Variants in ANKRD44 observed in about 807,000 individuals in gnomAD.
The protein encoded by ANKRD44 is ankyrin repeat domain 44, also known as serine/threonine-protein phosphatase 6 regulatory ankyrin repeat subunit B.
ANKRD44 carries 35 observed loss-of-function variants against 116.0 expected under a neutral mutation model. The ratio of observed to expected loss-of-function variants is 0.30; its 90% CI spans 0.23 to 0.40. The LOEUF is 0.40. ANKRD44 is among the 10% of genes least tolerant of loss of function. ANKRD44 has a pLI of 1.00. For synonymous variants in ANKRD44, 435 were observed against 461.8 expected (o/e 0.94, Z 0.74); for missense variants, 1,014 against 1,242.6 (o/e 0.82, Z 2.77).
intron 1 of ANKRD44, among the ~76,000 whole-genome samples, chr2:197,214,218 T>C (rs1031212112): frequency 3.9e-5 from 6 of 152,218 alleles, no homozygotes; most frequent in Non-Finnish European, 8.8e-5. Context: ...CAAAAGCTTC[T>C]TAATTGTCCA....
intron 1 of ANKRD44, among the ~76,000 whole-genome samples, chr2:197,276,155 A>G (rs1352995629): frequency 6.6e-6 from 1 of 151,820 alleles, no homozygotes; most frequent in African/African-American, 2.4e-5. Context: ...CGCACCTGTA[A>G]TCCCAGCTAC....
At chr2:196,977,137 A>G (rs547600064) in intron 21 of ANKRD44, among the ~76,000 whole-genome samples, 2 of 152,364 alleles carry the variant, frequency 1.3e-5, no homozygotes, top group East Asian at 3.9e-4. Context: ...CAAAACTTGT[A>G]TACTGAAAAC....
chr2:197,122,783 T>G lies in ANKRD44; in HGVS notation c.560A>C (p.Asp187Ala), dbSNP rs771897169. 1 of 1,613,402 alleles carries G rather than the reference T, an allele frequency of 6.2e-7. No homozygotes were observed. Among genetic ancestry groups the G allele is most frequent in the African/African-American group, 1.3e-5 (1 of 74,912 alleles). The change falls in exon 7 of 28, where the codon GAT (aspartate) becomes GCT (alanine). Residue 187 changes from aspartate (D) to alanine (A), a missense_variant. Transcript: ENST00000282272. ...LHWAAYMGHLDVVALLINHGA... is the reference protein window; with the variant it reads ...LHWAAYMGHLAVVALLINHGA... ...ATGGTTAATGAGCAATGCTACAACA[T>G]CCAAGTGGCCTTTACAAACAAAGCA...
chr2:197,157,745 C>T (rs2079857842), intron 2 of ANKRD44, among the ~76,000 whole-genome samples: 1 of 150,678 alleles, frequency 6.6e-6, no homozygotes, highest in Non-Finnish European at 1.5e-5. Context: ...ATTTTGTTTC[C>T]TAAATGAAAC....
chr2:196,967,334 G>GT (rs2075680660), exon 22 of ANKRD44: 1 of 447,816 alleles, frequency 2.2e-6, no homozygotes, highest in African/African-American at 2.0e-5. Flanking sequence ...CCTGCAGAGT[G>GT]TAACCCTTTG....
chr2:197,210,686 G>A (rs1196104316), intron 1 of ANKRD44, among the ~76,000 whole-genome samples: 1 of 143,840 alleles, frequency 7.0e-6, no homozygotes, highest in Non-Finnish European at 1.6e-5. Flanking sequence ...ATCTTGTCTT[G>A]GAGAGATTAG....
chr2:197,012,516 C>T (rs538216934), intron 18 of ANKRD44, among the ~76,000 whole-genome samples: 15 of 151,474 alleles, frequency 9.9e-5, no homozygotes, highest in Non-Finnish European at 2.1e-4. Context: ...TTCAACCACA[C>T]CAACTATTAC....
At chr2:197,002,172 C>T (rs2076125528) in intron 21 of ANKRD44, among the ~76,000 whole-genome samples, 1 of 152,174 alleles carries the variant, frequency 6.6e-6, no homozygotes, top group Non-Finnish European at 1.5e-5. Context: ...TCAATTTGTC[C>T]ACATTTATAA....
At chr2:197,221,050 G>A (rs2081573760) in intron 1 of ANKRD44, among the ~76,000 whole-genome samples, 1 of 152,132 alleles carries the variant, frequency 6.6e-6, no homozygotes, top group African/African-American at 2.4e-5. Context: ...AGGAGTTCGA[G>A]GTCAGCCTGG....
chr2:197,141,584 T>C (rs934846423), intron 3 of ANKRD44, among the ~76,000 whole-genome samples: 3 of 152,204 alleles, frequency 2.0e-5, no homozygotes, highest in Non-Finnish European at 2.9e-5. Context: ...CCAGCATTGT[T>C]CGCGTGTAGC....
chr2:196,981,999 C>T (rs1031238378), downstream of ANKRD44, among the ~76,000 whole-genome samples: 4 of 150,530 alleles, frequency 2.7e-5, no homozygotes, highest in African/African-American at 7.3e-5. Context: ...GCTGCTAGAT[C>T]CTCCTCCTCC....
chr2:197,061,382 C>T (rs1401323505), intron 16 of ANKRD44, among the ~76,000 whole-genome samples: 1 of 152,220 alleles, frequency 6.6e-6, no homozygotes, highest in Non-Finnish European at 1.5e-5. Context: ...GGCAGTGACA[C>T]TGGCAGCCCC....
chr2:197,116,533 G>A (rs2078712963), intron 8 of ANKRD44, among the ~76,000 whole-genome samples: 1 of 152,060 alleles, frequency 6.6e-6, no homozygotes, highest in South Asian at 2.1e-4. Context: ...TCTCTTTGAT[G>A]CCCCCATTCT....
chr2:197,211,308 G>A (rs1432422535), intron 1 of ANKRD44, among the ~76,000 whole-genome samples: 1 of 152,180 alleles, frequency 6.6e-6, no homozygotes, highest in Non-Finnish European at 1.5e-5. Context: ...GGGAAATGGG[G>A]AGCAGGAAGA....
At chr2:196,996,902 CA>C (rs55760106) in intron 25 of ANKRD44, among the ~76,000 whole-genome samples, 6,208 of 88,802 alleles carry the variant, frequency 0.07, 339 homozygotes, top group African/African-American at 0.25. Context: ...GACTCTGCCT[CA>C]AAAAAAAAAA....
intron 25 of ANKRD44, among the ~76,000 whole-genome samples, chr2:196,997,276 G>A (rs1437576094): frequency 6.6e-6 from 1 of 151,760 alleles, no homozygotes; most frequent in African/African-American, 2.4e-5. Context: ...GAGATGGGTT[G>A]AATAAAAGAT....
At chr2:197,193,228 C>T (rs924479508) in intron 1 of ANKRD44, among the ~76,000 whole-genome samples, 1 of 152,274 alleles carries the variant, frequency 6.6e-6, no homozygotes, top group Admixed American at 6.5e-5. Context: ...TCCTTTGTTG[C>T]TCCTTCCTTT....
chr2:197,127,995 A>G (rs188056200), intron 4 of ANKRD44, among the ~76,000 whole-genome samples: 1 of 152,308 alleles, frequency 6.6e-6, no homozygotes, highest in East Asian at 1.9e-4. Context: ...AAAGGACATG[A>G]TATTGTTCCT....
chr2:197,057,409 T>C (rs1040953870), intron 16 of ANKRD44, among the ~76,000 whole-genome samples: 11 of 152,218 alleles, frequency 7.2e-5, no homozygotes, highest in African/African-American at 2.4e-4. Context: ...TACTTTTTCA[T>C]GGAAGTTTTC....
Sources: gnomAD v4.1 joint callset for allele counts (sites outside exome capture counted in the v4.1 genomes callset) on GRCh38, gnomAD v4.1.1 for gene constraint, MANE v1.5 for transcripts, NCBI Gene and HGNC (gene_info 2026-07-23, HGNC 2026-07-21) for gene names.